The following FAT3 variants were observed in gnomAD, a reference collection of about 807,000 sequenced individuals.
FAT3 encodes the protein protocadherin Fat 3.
In FAT3, 95 loss-of-function variants were observed where a neutral mutation model predicts 310.2. The observed-to-expected ratio is 0.31, with a 90% CI of 0.26 to 0.36. The LOEUF (loss-of-function observed/expected upper bound fraction) is 0.36, where lower values mean the gene tolerates loss of function less well. Among genes scored for constraint, FAT3 ranks in the 10% least tolerant of loss-of-function variants. The pLI is 1.00. For synonymous variants in FAT3, 2,314 were observed against 2,192.9 expected (o/e 1.06, Z -1.54); for missense variants, 5,408 against 5,715.6 (o/e 0.95, Z 1.74).
At chr11:92,335,053 T>A (rs1453219602) in intron 1 of FAT3, among the ~76,000 whole-genome samples, 1 of 152,192 alleles carries the variant, frequency 6.6e-6, no homozygotes, top group Non-Finnish European at 1.5e-5. Flanking sequence ...GCCACAATGT[T>A]TGATGATGCC....
At chr11:92,242,492 G>A (rs1337760133) in intron 1 of FAT3, among the ~76,000 whole-genome samples, 2 of 151,854 alleles carry the variant, frequency 1.3e-5, no homozygotes. Context: ...CTCCTATGCT[G>A]TTCTTCACTG....
At chr11:92,312,311 C>A (rs1947327113) in intron 1 of FAT3, among the ~76,000 whole-genome samples, 1 of 152,168 alleles carries the variant, frequency 6.6e-6, no homozygotes, top group Admixed American at 6.5e-5. Flanking sequence ...TCGCAGTAGT[C>A]TGACAGGACA....
intron 2 of FAT3, among the ~76,000 whole-genome samples, chr11:92,442,096 TA>T (rs1565320008): frequency 3.5e-4 from 17 of 49,180 alleles, no homozygotes; most frequent in African/African-American, 7.9e-4. Context: ...TATATATATA[TA>T]TATATATATA....
intron 2 of FAT3, among the ~76,000 whole-genome samples, chr11:92,377,988 G>A (rs1451028928): frequency 1.3e-5 from 2 of 151,878 alleles, no homozygotes; most frequent in African/African-American, 4.9e-5. Flanking sequence ...TGAACAAAAT[G>A]GACACTGTGG....
chr11:92,711,342 A>G (rs1944515350), intron 4 of FAT3, among the ~76,000 whole-genome samples: 1 of 152,128 alleles, frequency 6.6e-6, no homozygotes, highest in African/African-American at 2.4e-5. Flanking sequence ...TTAAATAGCA[A>G]TCTAGGGTAG....
intron 22 of FAT3, among the ~76,000 whole-genome samples, chr11:92,875,735 ACAC>A (rs1216708512): frequency 3.3e-5 from 5 of 152,192 alleles, no homozygotes; most frequent in African/African-American, 9.6e-5. Context: ...GGCACCAGCC[ACAC>A]CACCATCTAT....
At chr11:92,790,823 T>C (rs1347629326) in intron 8 of FAT3, among the ~76,000 whole-genome samples, 1 of 152,166 alleles carries the variant, frequency 6.6e-6, no homozygotes, top group African/African-American at 2.4e-5. Context: ...GTTCACATAA[T>C]TGGGAAGTAG....
intron 4 of FAT3, among the ~76,000 whole-genome samples, chr11:92,757,352 G>T (rs1946029631): frequency 6.6e-6 from 1 of 152,158 alleles, no homozygotes; most frequent in Non-Finnish European, 1.5e-5. Context: ...AGGTGAGGAT[G>T]GTTCTCTGTT....
At chr11:92,586,172 C>A (rs1236751767) in intron 3 of FAT3, among the ~76,000 whole-genome samples, 2 of 151,922 alleles carry the variant, frequency 1.3e-5, no homozygotes, top group Non-Finnish European at 2.9e-5. Flanking sequence ...GGTATATTCT[C>A]AAAGTATATA....
intron 24 of FAT3, among the ~76,000 whole-genome samples, chr11:92,886,097 A>C (rs1487830074): frequency 6.6e-6 from 1 of 151,758 alleles, no homozygotes; most frequent in African/African-American, 2.4e-5. Context: ...CACTGCCCTC[A>C]CTCCTTGCTG....
Position 92,384,287 on chromosome 11 carries a change from C to T in FAT3, c.3292+28883C>T, listed in dbSNP as rs147790246. 4.6e-3 allele frequency among the ~76,000 whole-genome samples: 699 copies of T among 152,216 alleles called. 3 individuals carry two copies. Among genetic ancestry groups the T allele is most frequent in the Non-Finnish European group, 7.5e-3 (512 of 68,012 alleles). On this transcript the variant is annotated intron_variant, in intron 2 of 27. Coordinates refer to ENST00000525166, the MANE Select transcript of FAT3 (RefSeq NM_001367949.2). ...GACCACCCTCACTACTGCTAAGAAG[C>T]CTTAATAAGTGTGTCTGTTCTTCTT... is the stretch of plus-strand genomic sequence containing the variant.
chr11:92,695,924 G>A (rs1014934643), intron 3 of FAT3, among the ~76,000 whole-genome samples: 15 of 152,276 alleles, frequency 9.9e-5, no homozygotes, highest in African/African-American at 3.6e-4. Flanking sequence ...CTAGCTCAGT[G>A]TAGTAACGTA....
chr11:92,694,827 A>C (rs565207), intron 3 of FAT3, among the ~76,000 whole-genome samples: 88,179 of 151,992 alleles, frequency 0.58, 27,614 homozygotes, highest in African/African-American at 0.83. Context: ...AGAGGAGCCC[A>C]CACACAGGAG....
intron 3 of FAT3, among the ~76,000 whole-genome samples, chr11:92,638,558 A>C (rs1486353992): frequency 1.3e-5 from 2 of 152,206 alleles, no homozygotes; most frequent in African/African-American, 2.4e-5. Context: ...TTTAAATCTA[A>C]ATGAATACGA....
At position 92,890,891 on chromosome 11, in the gene FAT3, T is replaced by G. The variant is rs1411100784; in HGVS notation, c.13548T>G (p.Thr4516=). ...CGCCTGCCAGCTGTGAATTTAGTAC[T>G]TTTGCTGTGAGCATGAACCAGGGCA... is the stretch of plus-strand genomic sequence containing the variant. ...VGPPASCEFS[T]FAVSMNQGTE... is the part of the protein sequence containing the mutation. Residue 4516 remains threonine (T), a synonymous_variant, in exon 28 of 28, where the codon ACT becomes ACG. Coordinates refer to ENST00000525166, the MANE Select transcript of FAT3 (RefSeq NM_001367949.2). 6.2e-7 allele frequency: 1 copy of G among 1,613,890 alleles called. No homozygotes were observed. Among genetic ancestry groups the G allele is most frequent in the East Asian group, 2.2e-5 (1 of 44,894 alleles).
At chr11:92,364,143 G>T (rs34921208) in intron 2 of FAT3, among the ~76,000 whole-genome samples, 3,506 of 152,100 alleles carry the variant, frequency 0.023, 52 homozygotes, top group Non-Finnish European at 0.033. Context: ...AATCCAAATA[G>T]GTTGGCAAAC....
At chr11:92,362,015 C>T (rs764826148) in intron 2 of FAT3, among the ~76,000 whole-genome samples, 7 of 152,236 alleles carry the variant, frequency 4.6e-5, no homozygotes, top group Non-Finnish European at 8.8e-5. Flanking sequence ...CAGATGGTCT[C>T]ATTCAGTCAT....
intron 3 of FAT3, among the ~76,000 whole-genome samples, chr11:92,656,058 C>G (rs565698757): frequency 6.6e-6 from 1 of 152,156 alleles, no homozygotes; most frequent in African/African-American, 2.4e-5. Context: ...TTGCCCATCT[C>G]GCTGCCAGAG....
chr11:92,509,090 A>T (rs1400364411), intron 2 of FAT3, among the ~76,000 whole-genome samples: 2 of 152,192 alleles, frequency 1.3e-5, no homozygotes, highest in African/African-American at 4.8e-5. Context: ...TTTGTCCTTG[A>T]GTAAAATTAT....
Sources: gnomAD v4.1 joint callset for allele counts (sites outside exome capture counted in the v4.1 genomes callset) on GRCh38, gnomAD v4.1.1 for gene constraint, MANE v1.5 for transcripts, NCBI Gene and HGNC (gene_info 2026-07-23, HGNC 2026-07-21) for gene names.